FNBP1: variants seen among roughly 807,000 people sequenced by gnomAD.
FNBP1 encodes formin-binding protein 1.
In FNBP1, 26 loss-of-function variants were observed where a neutral mutation model predicts 90.6. The observed-to-expected ratio is 0.29, with a 90% CI of 0.21 to 0.40. The LOEUF is 0.40. Among genes scored for constraint, FNBP1 ranks in the 10% least tolerant of loss-of-function variants. The probability of loss-of-function intolerance (pLI) is 1.00; values close to 1 mark genes in which losing one functional copy is unlikely to be tolerated. For synonymous variants in FNBP1, 260 were observed against 265.2 expected (o/e 0.98, Z 0.19); for missense variants, 635 against 768.0 (o/e 0.83, Z 2.05).
At chr9:130,032,140 C>T (rs920859123) in intron 1 of FNBP1, among the ~76,000 whole-genome samples, 7 of 151,588 alleles carry the variant, frequency 4.6e-5, no homozygotes, top group Non-Finnish European at 1.0e-4. Context: ...TGTAAATAGC[C>T]TATTTTTAAG....
At chr9:129,915,465 A>C (rs1266781141) in intron 11 of FNBP1, among the ~76,000 whole-genome samples, 1 of 152,080 alleles carries the variant, frequency 6.6e-6, no homozygotes, top group Non-Finnish European at 1.5e-5. Context: ...CCCGGGTTCA[A>C]GCAGTTCTCT....
chr9:129,998,197 A>G (rs746701038), intron 1 of FNBP1, among the ~76,000 whole-genome samples: 5,448 of 97,940 alleles, frequency 0.056, 147 homozygotes, highest in South Asian at 0.17. Flanking sequence ...CTCTGTCTCG[A>G]AAAAAAAAAA....
intron 7 of FNBP1, among the ~76,000 whole-genome samples, chr9:129,927,623 T>G (rs911468094): frequency 2.0e-5 from 3 of 152,152 alleles, no homozygotes; most frequent in African/African-American, 7.2e-5. Context: ...CTTTTTGTTT[T>G]TTTGAGACGG....
intron 16 of FNBP1, among the ~76,000 whole-genome samples, chr9:129,895,091 C>T (rs973173639): frequency 6.6e-6 from 1 of 152,020 alleles, no homozygotes; most frequent in Non-Finnish European, 1.5e-5. Context: ...ACAACAAAAA[C>T]CTGTCAATTT....
intron 10 of FNBP1, among the ~76,000 whole-genome samples, chr9:129,918,484 A>T (rs1401759550): frequency 6.6e-6 from 1 of 152,248 alleles, no homozygotes; most frequent in Admixed American, 6.5e-5. Context: ...AGCGTCAATA[A>T]CACATGGGGA....
intron 6 of FNBP1, among the ~76,000 whole-genome samples, chr9:129,930,051 G>T (rs2042501130): frequency 6.6e-6 from 1 of 151,006 alleles, no homozygotes; most frequent in Non-Finnish European, 1.5e-5. Flanking sequence ...GAGGGGATGA[G>T]AAATTCATTT....
intron 1 of FNBP1, among the ~76,000 whole-genome samples, chr9:130,039,664 G>A (rs552593528): frequency 1.6e-5 from 2 of 128,618 alleles, no homozygotes; most frequent in African/African-American, 6.0e-5. Context: ...CAACAAGAGC[G>A]AAGCTTTGTC....
intron 11 of FNBP1, among the ~76,000 whole-genome samples, chr9:129,914,750 C>T (rs943855829): frequency 8.7e-5 from 4 of 46,022 alleles, no homozygotes; most frequent in African/African-American, 1.9e-4. Flanking sequence ...TATATACATA[C>T]ATATGTCTAT....
intron 11 of FNBP1, chr9:129,914,816 A>G: frequency 4.1e-6 from 1 of 243,430 alleles, no homozygotes; most frequent in Non-Finnish European, 8.5e-6. Flanking sequence ...ATACTATCCT[A>G]GGTTATCAAT....
chr9:129,913,033 A>G (rs1456415423), intron 11 of FNBP1, among the ~76,000 whole-genome samples: 2 of 152,078 alleles, frequency 1.3e-5, no homozygotes, highest in Non-Finnish European at 2.9e-5. Flanking sequence ...CCTGGCCAAC[A>G]TGGTGAAACC....
chr9:129,961,095 C>A (rs2047741640), intron 4 of FNBP1, among the ~76,000 whole-genome samples: 1 of 151,822 alleles, frequency 6.6e-6, no homozygotes, highest in African/African-American at 2.4e-5. Context: ...GGCGAACCAC[C>A]AAAGGTCAGG....
intron 6 of FNBP1, among the ~76,000 whole-genome samples, chr9:129,946,425 C>T (rs1185259580): frequency 1.3e-5 from 2 of 152,152 alleles, no homozygotes; most frequent in Non-Finnish European, 2.9e-5. Context: ...AGTTTTAAAG[C>T]ATTTCCTCAA....
At chr9:129,940,761 G>A (rs535131330) in intron 6 of FNBP1, among the ~76,000 whole-genome samples, 3 of 151,954 alleles carry the variant, frequency 2.0e-5, no homozygotes, top group East Asian at 3.9e-4. Flanking sequence ...TGAGTAGCTG[G>A]GACTACAGGC....
intron 1 of FNBP1, among the ~76,000 whole-genome samples, chr9:130,024,946 G>A (rs181747522): frequency 2.6e-5 from 4 of 152,130 alleles, no homozygotes; most frequent in East Asian, 1.9e-4. Flanking sequence ...TTGGGAGGCC[G>A]AGGTGGGTGA....
chr9:129,908,656 A>C, intron 12 of FNBP1, among the ~76,000 whole-genome samples: 1 of 151,948 alleles, frequency 6.6e-6, no homozygotes, highest in South Asian at 2.1e-4. Context: ...GAGTTCAAGC[A>C]ATTCTGCTGC....
chr9:129,972,953 G>A (rs1308766488), intron 4 of FNBP1, among the ~76,000 whole-genome samples: 1 of 152,176 alleles, frequency 6.6e-6, no homozygotes, highest in Non-Finnish European at 1.5e-5. Context: ...GTGCTGGGAG[G>A]TTCATATTTG....
In FNBP1 at chr9:129,901,016, C is replaced by CT. The variant is rs563064099; in HGVS notation, c.1429-470dup. On this transcript the variant is annotated intron_variant, in intron 13 of 16. Transcript: ENST00000446176. Reference sequence around the variant, plus strand: ...CACTTCCTATTTTTTAGGAGTGTAACTTTTTTTTTTGATAGAAATGAAACT... The same window carrying CT: ...CACTTCCTATTTTTTAGGAGTGTAACTTTTTTTTTTTGATAGAAATGAAACT... 5.8e-4 allele frequency among the ~76,000 whole-genome samples: 85 copies of CT among 147,548 alleles called. 1 individual carries two copies. Among genetic ancestry groups the CT allele is most frequent in the African/African-American group, 1.5e-3 (59 of 39,966 alleles).
In FNBP1 at chr9:129,900,791, G is replaced by A. The variant is rs2036775956; in HGVS notation, c.1429-244C>T. Among the ~76,000 whole-genome samples, 1 of 152,262 alleles carries A rather than the reference G, an allele frequency of 6.6e-6. No homozygotes were observed. Among genetic ancestry groups the A allele is most frequent in the Non-Finnish European group, 1.5e-5 (1 of 68,044 alleles). ...GGTTGCTTCCATTTCACCCGAAGTT[G>A]GAGACATAGAAACAAACTCATATTT... On this transcript the variant is annotated intron_variant, in intron 13 of 16. Transcript: ENST00000446176. The surrounding 1 kb of genome is among the most constrained non-coding windows in gnomAD (Gnocchi z 4.1).
At chr9:129,916,151 CA>C in intron 10 of FNBP1, 171 bp from the exon 11 acceptor site, 1 of 592,338 alleles carries the variant, frequency 1.7e-6, no homozygotes, top group Non-Finnish European at 3.0e-6. Flanking sequence ...CAGATCTGTG[CA>C]AAAGTTCACA....
Sources: allele counts gnomAD v4.1 joint callset (sites outside exome capture counted in the v4.1 genomes callset), GRCh38; gene constraint gnomAD v4.1.1; non-coding constraint Gnocchi (gnomAD v3.1); transcripts MANE v1.5; gene names NCBI Gene and HGNC (gene_info 2026-07-23, HGNC 2026-07-21).